The following ADGRV1 variants were observed in gnomAD, a reference collection of about 807,000 sequenced individuals.
ADGRV1 encodes the protein G-protein coupled receptor 98.
In ADGRV1, 359 loss-of-function variants were observed where a neutral mutation model predicts 596.2. The observed-to-expected ratio is 0.60, with a 90% confidence interval of 0.55 to 0.66. ADGRV1 has a LOEUF of 0.66. Among genes scored for constraint, ADGRV1 ranks in the 30% least tolerant of loss-of-function variants. The probability of loss-of-function intolerance (pLI) is 0.00; values close to 1 mark genes in which losing one functional copy is unlikely to be tolerated. For synonymous variants in ADGRV1, 2,681 were observed against 2,679.2 expected (o/e 1.00, Z -0.02); for missense variants, 7,274 against 7,575.6 (o/e 0.96, Z 1.48).
At chr5:90,902,995 T>C (rs1247680098) in intron 83 of ADGRV1, among the ~76,000 whole-genome samples, 3 of 152,150 alleles carry the variant, frequency 2.0e-5, no homozygotes, top group Non-Finnish European at 4.4e-5. Context: ...TGACATCTTA[T>C]GGTAGTAATC....
chr5:91,049,026 T>C (rs1451885476), intron 85 of ADGRV1, among the ~76,000 whole-genome samples: 1 of 151,826 alleles, frequency 6.6e-6, no homozygotes, highest in Non-Finnish European at 1.5e-5. Flanking sequence ...GTGACTTTCA[T>C]ATTGCAGCCT....
chr5:91,124,827 G>T (rs4489092), intron 87 of ADGRV1, among the ~76,000 whole-genome samples: 75,372 of 152,066 alleles, frequency 0.5, 21,468 homozygotes, highest in Non-Finnish European at 0.62. Flanking sequence ...TTTCTATAAT[G>T]CTCTCTTTTA....
chr5:91,103,090 A>C (rs1472261860), intron 87 of ADGRV1, among the ~76,000 whole-genome samples: 19 of 152,168 alleles, frequency 1.2e-4, no homozygotes. Flanking sequence ...TGTGGCAAAC[A>C]CACAGACATA....
intron 78 of ADGRV1, among the ~76,000 whole-genome samples, chr5:90,844,413 T>C (rs1293221974): frequency 2.0e-5 from 3 of 152,224 alleles, no homozygotes; most frequent in African/African-American, 7.2e-5. Flanking sequence ...ACAAGTATTA[T>C]ACTAAAAAAG....
At chr5:90,880,634 C>T (rs1769669365) in intron 83 of ADGRV1, among the ~76,000 whole-genome samples, 1 of 152,112 alleles carries the variant, frequency 6.6e-6, no homozygotes, top group Admixed American at 6.5e-5. Flanking sequence ...ACTTTACTTT[C>T]CAGTTTTTGA....
Position 90,863,763 on chromosome 5 carries a change from G to C in ADGRV1, c.17762G>C (p.Cys5921Ser), listed in dbSNP as rs878948507. The change falls in exon 83 of 90, where the codon TGC becomes TCC. Residue 5921 changes from cysteine (C) to serine (S), a missense_variant. By Grantham distance (112) the Cys-to-Ser change is moderately radical (BLOSUM62 -1). This residue lies in a region of ADGRV1 where 1,874 missense variants were observed against 1,970.2 expected (regional missense o/e 0.95). Transcript: ENST00000405460. ...GACTTTTTTGTTCCTACAGGTCTTT[G>C]CTTGGCTGTTCTTTCCCATATCTTC... ...TSGFICISGLCLAVLSHIFCA... is the reference protein window; with the variant it reads ...TSGFICISGLSLAVLSHIFCA... 7.4e-6 allele frequency: 12 copies of C among 1,612,240 alleles called. No homozygotes were observed. In the Admixed American group the frequency reaches 1.8e-4, roughly 25 times the overall value.
intron 86 of ADGRV1, among the ~76,000 whole-genome samples, chr5:91,100,566 C>T (rs1343505746): frequency 6.6e-6 from 1 of 151,952 alleles, no homozygotes; most frequent in Non-Finnish European, 1.5e-5. Flanking sequence ...GCTAAATAAG[C>T]AGGAATATAT....
At chr5:90,935,306 G>C (rs1775583092) in intron 83 of ADGRV1, among the ~76,000 whole-genome samples, 1 of 152,100 alleles carries the variant, frequency 6.6e-6, no homozygotes, top group African/African-American at 2.4e-5. Context: ...CCATAGTTTT[G>C]CTTTTAAGCC....
chr5:90,916,688 A>G (rs1195414926), intron 83 of ADGRV1, among the ~76,000 whole-genome samples: 1 of 133,252 alleles, frequency 7.5e-6, no homozygotes, highest in South Asian at 2.4e-4. Context: ...GCTGGAGTGC[A>G]GTGGCGGGAT....
chr5:91,031,992 G>C (rs1016160335), intron 85 of ADGRV1, among the ~76,000 whole-genome samples: 4 of 151,990 alleles, frequency 2.6e-5, no homozygotes, highest in African/African-American at 9.7e-5. Context: ...AAAGCAGAGT[G>C]AGGAGAATCA....
In ADGRV1 at chr5:90,681,434, T is replaced by G; in HGVS notation, c.5644T>G (p.Tyr1882Asp). Residue 1882 changes from tyrosine to aspartate, a missense_variant, in exon 27 of 90, where the codon TAT becomes GAT. Coordinates refer to ENST00000405460, the MANE Select transcript of ADGRV1 (RefSeq NM_032119.4). Reference sequence around the variant, plus strand: ...CAGTGGAACTGAACCAGAAGATGGGTATAGCACTGTTACATTAAATGTGAG... The same window carrying G: ...CAGTGGAACTGAACCAGAAGATGGGGATAGCACTGTTACATTAAATGTGAG... ...FVSGTEPEDGYSTVTLNVIRH... is the reference protein window; with the variant it reads ...FVSGTEPEDGDSTVTLNVIRH... The G allele has an allele frequency of 6.2e-7, 1 of 1,612,010 alleles. No homozygotes were observed. The highest frequency in any genetic ancestry group is 8.5e-7 in the Non-Finnish European group (1 of 1,179,270).
chr5:90,610,670 T>A (rs1164838212), intron 1 of ADGRV1, among the ~76,000 whole-genome samples: 2 of 152,000 alleles, frequency 1.3e-5, no homozygotes, highest in Non-Finnish European at 2.9e-5. Flanking sequence ...GAGGGGACTT[T>A]CCACTTTGTT....
Position 90,689,996 on chromosome 5 carries a change from C to G in ADGRV1, c.6626C>G (p.Thr2209Arg). 1 of 1,606,928 alleles carries G rather than the reference C, an allele frequency of 6.2e-7. No homozygotes were observed. The highest frequency in any genetic ancestry group is 8.5e-7 in the Non-Finnish European group (1 of 1,176,252). Residue 2209 changes from threonine (T) to arginine (R), a missense_variant, in exon 30 of 90, where the codon ACA becomes AGA. Thr to Arg is a moderately conservative substitution (Grantham distance 71, BLOSUM62 -1). Transcript: ENST00000405460. Reference sequence around the variant, plus strand: ...TTTCTTGTGCAACTGATGAATGAAACAACAGGAGGAGCCAGACTAGGGGCT... The same window carrying G: ...TTTCTTGTGCAACTGATGAATGAAAGAACAGGAGGAGCCAGACTAGGGGCT... ...ESFLVQLMNE[T>R]TGGARLGALT...
rs780450225 is a variant in ADGRV1, at chr5:90,788,204, T to C, written c.13787T>C (p.Ile4596Thr). 6.2e-7 allele frequency: 1 copy of C among 1,613,794 alleles called. No homozygotes were observed. The highest frequency in any genetic ancestry group is 8.5e-7 in the Non-Finnish European group (1 of 1,179,746). ...GGAGTGAGAACCATAATTCTGACAA[T>C]CTATCCTCATGAAGAAATTGAAGTT... is the stretch of plus-strand genomic sequence containing the variant. The part of the protein sequence containing the change: ...EGGVRTIILT[I>T]YPHEEIEVEE... The change falls in exon 68 of 90, where the codon ATC becomes ACC. Residue 4596 changes from isoleucine to threonine, a missense_variant. Ile to Thr is a moderately conservative substitution (Grantham distance 89, BLOSUM62 -1). Around this residue, in one of 5 missense-constraint regions of ADGRV1, gnomAD observed 3,643 missense variants for 3,809.2 expected, o/e 0.96. Transcript: ENST00000405460.
intron 10 of ADGRV1, among the ~76,000 whole-genome samples, chr5:90,636,882 C>T (rs1406542353): frequency 6.6e-6 from 1 of 151,844 alleles, no homozygotes; most frequent in East Asian, 1.9e-4. Context: ...ATAGTGTAAT[C>T]TAGCATTAAA....
intron 85 of ADGRV1, among the ~76,000 whole-genome samples, chr5:90,996,409 C>T (rs1020777339): frequency 2.6e-5 from 4 of 152,186 alleles, no homozygotes; most frequent in African/African-American, 9.7e-5. Context: ...TGGCAACTTC[C>T]ACGTGGTATT....
rs760814922 is a variant in ADGRV1 at position 90,690,885 on chromosome 5, C to G, written c.6795C>G (p.Leu2265=). The G allele has an allele frequency of 5.0e-6, 8 of 1,613,324 alleles. No homozygotes were observed. The highest frequency in any genetic ancestry group is 1.3e-5 in the African/African-American group (1 of 75,010). ...NLPIIRNSGT[L]GNVTVQWVAT... is the part of the protein sequence containing the mutation. ...CAATAATTCGAAATTCTGGGACACTCGGCAATGTTACTGTTCAGTGGGTTG... is the reference window on the plus strand; with the variant it reads ...CAATAATTCGAAATTCTGGGACACTGGGCAATGTTACTGTTCAGTGGGTTG... The change falls in exon 31 of 90, where the codon CTC becomes CTG. Residue 2265 remains leucine, a synonymous_variant. Coordinates refer to ENST00000405460, the MANE Select transcript of ADGRV1 (RefSeq NM_032119.4).
intron 87 of ADGRV1, among the ~76,000 whole-genome samples, chr5:91,129,739 T>A (rs941425277): frequency 2.6e-5 from 4 of 152,186 alleles, no homozygotes; most frequent in African/African-American, 2.4e-5. Context: ...AAAAATCAAA[T>A]TTTAATGCTA....
intron 57 of ADGRV1, among the ~76,000 whole-genome samples, chr5:90,758,956 T>G (rs1045442366): frequency 4.7e-4 from 72 of 152,186 alleles, no homozygotes; most frequent in Non-Finnish European, 1.6e-4. Context: ...AGACTGGTAA[T>G]TTTTATGTAA....
Sources: gnomAD v4.1 joint callset for allele counts (sites outside exome capture counted in the v4.1 genomes callset) on GRCh38, gnomAD v4.1.1 for gene constraint, gnomAD v4.1.1 regional missense constraint, MANE v1.5 for transcripts, NCBI Gene and HGNC (gene_info 2026-07-23, HGNC 2026-07-21) for gene names.